Variants in MAMDC2 observed in about 807,000 individuals in gnomAD.
MAMDC2 encodes MAM domain containing 2.
MAMDC2 carries 57 observed loss-of-function variants against 89.8 expected under a neutral mutation model. The observed-to-expected ratio is 0.63, with a 90% CI of 0.51 to 0.79. MAMDC2 has a LOEUF of 0.79. MAMDC2 is among the 30% of genes least tolerant of loss of function. The pLI is 0.00. For missense variants in MAMDC2, 800 were observed against 820.6 expected, an observed-to-expected ratio of 0.97 and a Z score of 0.31; for synonymous variants, 313 against 293.4, an observed-to-expected ratio of 1.07 and a Z score of -0.68.
chr9:70,159,460 G>A (rs1021794525), intron 9 of MAMDC2, among the ~76,000 whole-genome samples: 1 of 152,178 alleles, frequency 6.6e-6, no homozygotes, highest in Non-Finnish European at 1.5e-5. Context: ...ACTTTGGCTT[G>A]GGAATCAATG....
chr9:70,045,919 T>TGG (rs1826738964), intron 2 of MAMDC2, among the ~76,000 whole-genome samples: 4 of 152,158 alleles, frequency 2.6e-5, no homozygotes, highest in Non-Finnish European at 5.9e-5. Flanking sequence ...ACTACTACAG[T>TGG]CTACTTAGGG....
chr9:70,166,715 C>T (rs1420371137), intron 9 of MAMDC2, among the ~76,000 whole-genome samples: 1 of 152,078 alleles, frequency 6.6e-6, no homozygotes, highest in East Asian at 1.9e-4. Context: ...CATATGAAAG[C>T]ATGTTAATAT....
intron 2 of MAMDC2, chr9:70,081,996 A>G (rs1827663765): frequency 6.6e-6 from 1 of 152,172 alleles, no homozygotes; most frequent in Non-Finnish European, 1.5e-5. Flanking sequence ...TATTTCCAAT[A>G]AAAATAAAAG....
At chr9:70,163,233 T>C (rs11141922) in intron 9 of MAMDC2, among the ~76,000 whole-genome samples, 4 of 146,512 alleles carry the variant, frequency 2.7e-5, no homozygotes, top group Non-Finnish European at 6.0e-5. Flanking sequence ...TTCTTTCTTT[T>C]TTTTTTTTTT....
At chr9:70,061,968 G>A (rs1312251791) in intron 2 of MAMDC2, among the ~76,000 whole-genome samples, 4 of 151,612 alleles carry the variant, frequency 2.6e-5, no homozygotes, top group Non-Finnish European at 5.9e-5. Flanking sequence ...CAGCTGTAAT[G>A]GGATTCAGCT....
intron 2 of MAMDC2, among the ~76,000 whole-genome samples, chr9:70,096,477 C>T (rs1319858371): frequency 6.6e-6 from 1 of 152,192 alleles, no homozygotes; most frequent in Non-Finnish European, 1.5e-5. Context: ...AAGAAACCTA[C>T]TAGCTGAGTC....
At chr9:70,116,430 C>T (rs1289406161) in intron 5 of MAMDC2, among the ~76,000 whole-genome samples, 1 of 152,138 alleles carries the variant, frequency 6.6e-6, no homozygotes, top group African/African-American at 2.4e-5. Flanking sequence ...GGCTAGGAGT[C>T]CAAATACTTG....
At chr9:70,100,728 G>T (rs1242377833) in intron 2 of MAMDC2, among the ~76,000 whole-genome samples, 2 of 152,168 alleles carry the variant, frequency 1.3e-5, no homozygotes, top group Non-Finnish European at 2.9e-5. Flanking sequence ...AGCACTAAAA[G>T]CACAAAGTTG....
At chr9:70,085,529 G>A (rs1218028384) in intron 2 of MAMDC2, among the ~76,000 whole-genome samples, 2 of 151,906 alleles carry the variant, frequency 1.3e-5, no homozygotes, top group African/African-American at 2.4e-5. Context: ...GCTTAGTCTC[G>A]CCCTCCTGAC....
At chr9:70,138,979 C>T (rs1444810065) in intron 7 of MAMDC2, among the ~76,000 whole-genome samples, 1 of 152,112 alleles carries the variant, frequency 6.6e-6, no homozygotes, top group African/African-American at 2.4e-5. Context: ...CTAAAATCTT[C>T]ATCTTAGAGA....
Position 70,174,702 on chromosome 9 carries a change from G to A in MAMDC2, c.1651+4071G>A, listed in dbSNP as rs190331138. Among the ~76,000 whole-genome samples the A allele has an allele frequency of 3.0e-3, 445 of 148,258 alleles. 2 individuals carry two copies. The highest frequency in any genetic ancestry group is 4.8e-3 in the Non-Finnish European group (321 of 67,562). ...GGTAGGCCAGCTCATGGAGGACCTT[G>A]TAATTAATTAGAAGGGCTTTGGATT... is the stretch of plus-strand genomic sequence containing the variant. On this transcript the variant is annotated intron_variant, in intron 11 of 13. Transcript: ENST00000377182.
chr9:70,162,589 G>A (rs905291934), intron 9 of MAMDC2, among the ~76,000 whole-genome samples: 7 of 151,108 alleles, frequency 4.6e-5, no homozygotes, highest in Non-Finnish European at 1.0e-4. Context: ...CTCCCGGGCC[G>A]AGGTGATCCT....
intron 11 of MAMDC2, among the ~76,000 whole-genome samples, chr9:70,210,512 TGAGC>T (rs1333091006): frequency 6.6e-6 from 1 of 152,194 alleles, no homozygotes; most frequent in East Asian, 1.9e-4. Flanking sequence ...CCCTTTATTT[TGAGC>T]CTATGTGTGT....
intron 9 of MAMDC2, among the ~76,000 whole-genome samples, chr9:70,148,374 C>T (rs1215832695): frequency 6.7e-6 from 1 of 150,286 alleles, no homozygotes; most frequent in African/African-American, 2.5e-5. Context: ...GACAGCATAA[C>T]ATAGTGATTA....
intron 2 of MAMDC2, chr9:70,086,188 G>A (rs998503689): frequency 9.9e-5 from 15 of 152,092 alleles, no homozygotes; most frequent in Admixed American, 9.2e-4. Flanking sequence ...CTTGCATACA[G>A]TGTCAAAACT....
intron 3 of MAMDC2, chr9:70,109,486 T>C (rs1210003235): frequency 4.6e-6 from 2 of 431,506 alleles, no homozygotes; most frequent in African/African-American, 2.0e-5. Context: ...CTTATTTACC[T>C]TGAAGTTTTG....
intron 2 of MAMDC2, among the ~76,000 whole-genome samples, chr9:70,106,951 G>A (rs961265598): frequency 3.3e-5 from 5 of 152,182 alleles, no homozygotes; most frequent in East Asian, 1.9e-4. Context: ...GACAACAAGC[G>A]TGGGAGGACA....
chr9:70,083,820 A>G (rs1286920598), intron 2 of MAMDC2: 1 of 151,976 alleles, frequency 6.6e-6, no homozygotes, highest in African/African-American at 2.4e-5. Context: ...ATGTGGGTTC[A>G]ATTTGCTATT....
chr9:70,097,070 G>A (rs1828047955), intron 2 of MAMDC2, among the ~76,000 whole-genome samples: 1 of 152,058 alleles, frequency 6.6e-6, no homozygotes, highest in Non-Finnish European at 1.5e-5. Flanking sequence ...CCAGGACCAG[G>A]CAGATATTGC....
Sources: gnomAD v4.1 joint callset for allele counts (sites outside exome capture counted in the v4.1 genomes callset) on GRCh38, gnomAD v4.1.1 for gene constraint, MANE v1.5 for transcripts, NCBI Gene and HGNC (gene_info 2026-07-23, HGNC 2026-07-21) for gene names.